The following ZFP28 variants were observed in gnomAD, a reference collection of about 807,000 sequenced individuals.
ZFP28 encodes zinc finger protein 28 homolog.
Under a neutral mutation model 39.5 loss-of-function variants are expected in ZFP28, and 31 were observed. The observed-to-expected ratio is 0.79, with a 90% CI of 0.59 to 1.06. The LOEUF is 1.06. Among genes scored for constraint, ZFP28 ranks in the 50% least tolerant of loss-of-function variants. The pLI is 0.00. For synonymous variants in ZFP28, 400 were observed against 378.6 expected (o/e 1.06, Z -0.66); for missense variants, 925 against 1,048.4 (o/e 0.88, Z 1.63).
chr19:56,546,325 G>C (rs1043904592), intron 2 of ZFP28: 10 of 152,214 alleles, frequency 6.6e-5, no homozygotes, highest in African/African-American at 2.4e-4. Flanking sequence ...TGGGATTAGA[G>C]TTGCAACTGA....
At position 56,539,134 on chromosome 19, in the gene ZFP28, T is replaced by G; in HGVS notation, c.116T>G (p.Leu39Trp). The G allele has an allele frequency of 6.3e-7, 1 of 1,588,912 alleles. No homozygotes were observed. The highest frequency in any genetic ancestry group is 8.5e-7 in the Non-Finnish European group (1 of 1,172,374). The change falls in exon 1 of 8, where the codon TTG (leucine) becomes TGG (tryptophan). Residue 39 changes from leucine (L) to tryptophan (W), a missense_variant. Physicochemically the swap from Leu to Trp is moderately conservative, Grantham distance 61 (BLOSUM62 -2). Coordinates refer to ENST00000301318, the MANE Select transcript of ZFP28 (RefSeq NM_020828.2). ...CCGACTGTAGGGACTCCAGCCACCTTGGCCCTCCCTGCCCGGGGAAGGCCG... is the reference window on the plus strand; with the variant it reads ...CCGACTGTAGGGACTCCAGCCACCTGGGCCCTCCCTGCCCGGGGAAGGCCG... ...RGPTVGTPATLALPARGRPRS... is the reference protein window; with the variant it reads ...RGPTVGTPATWALPARGRPRS...
chr19:56,555,409 CTGTT>C lies in ZFP28; in HGVS notation c.*20_*23del. 5 of 1,582,370 alleles carry C rather than the reference CTGTT, an allele frequency of 3.2e-6. No individual in the cohort carries two copies. Among genetic ancestry groups the C allele is most frequent in the Non-Finnish European group, 4.3e-6 (5 of 1,165,610 alleles). The stretch of plus-strand genomic sequence containing the variant: ...TCACCATAGCCTCGAGACGTCATTT[CTGTT>C]TGACTACTCCAGCAGTTTAAAACCC... On this transcript the variant is annotated 3_prime_UTR_variant, in exon 8 of 8. Coordinates refer to ENST00000301318, the MANE Select transcript of ZFP28 (RefSeq NM_020828.2).
intron 7 of ZFP28, chr19:56,551,356 A>G (rs2044300620): frequency 2.0e-6 from 2 of 986,852 alleles, no homozygotes; most frequent in Middle Eastern, 5.2e-4. Flanking sequence ...TTATCACAAC[A>G]TACACCTTAG....
chr19:56,549,267 CAG>C (rs1348152308), intron 5 of ZFP28, 146 bp downstream of exon 5: 17 of 900,010 alleles, frequency 1.9e-5, no homozygotes, highest in Non-Finnish European at 1.3e-5. Context: ...CCCCTCAGAA[CAG>C]AGAGTGCCTA....
intron 2 of ZFP28, among the ~76,000 whole-genome samples, chr19:56,542,125 A>C (rs1214867131): frequency 1.3e-5 from 2 of 151,994 alleles, no homozygotes; most frequent in African/African-American, 4.8e-5. Context: ...ATGAGAAGTC[A>C]GCCCTCAGTG....
chr19:56,542,778 C>T (rs916003927), intron 2 of ZFP28, among the ~76,000 whole-genome samples: 4 of 151,038 alleles, frequency 2.6e-5, no homozygotes, highest in Admixed American at 6.6e-5. Context: ...TGTTTTTTTG[C>T]TTTTAGAGAC....
chr19:56,549,211 AAGAGAAGTTTTC>A, intron 5 of ZFP28, 90 bp downstream of exon 5: 1 of 1,430,274 alleles, frequency 7.0e-7, no homozygotes, highest in Non-Finnish European at 9.4e-7. Context: ...CAACAACTAT[AAGAGAAGTTTTC>A]ATTTGAATAC....
chr19:56,546,103 GGTT>G (rs1182160287), intron 2 of ZFP28: 1 of 152,224 alleles, frequency 6.6e-6, no homozygotes, highest in Admixed American at 6.5e-5. Flanking sequence ...TAATCTACAA[GGTT>G]GGTATTGTTG....
intron 7 of ZFP28, chr19:56,551,871 A>T (rs1259422139): frequency 1.0e-6 from 1 of 982,760 alleles, no homozygotes; most frequent in Non-Finnish European, 1.2e-6. Flanking sequence ...ACTGCTATGT[A>T]TATAAGCATA....
At chr19:56,537,369 G>C (rs1017114629), upstream of ZFP28, among the ~76,000 whole-genome samples, 2 of 152,126 alleles carry the variant, frequency 1.3e-5, no homozygotes, top group Non-Finnish European at 2.9e-5. Flanking sequence ...TTACATGCCA[G>C]CTGTGTCTCT....
chr19:56,550,399 C>A (rs1256165493), intron 6 of ZFP28, 111 bp from the exon 7 acceptor site: 12 of 997,756 alleles, frequency 1.2e-5, no homozygotes, highest in Non-Finnish European at 1.6e-5. Context: ...TCCTACTCAC[C>A]TGTTTTTCTG....
intron 2 of ZFP28, among the ~76,000 whole-genome samples, chr19:56,543,087 T>G (rs1395537671): frequency 6.6e-6 from 1 of 152,196 alleles, no homozygotes; most frequent in Non-Finnish European, 1.5e-5. Flanking sequence ...GAAAAAAATG[T>G]ACACTTCATC....
rs2044351669 is a variant in ZFP28 at position 56,556,447 on chromosome 19, GC to G, written c.*1058del. 1 of 152,138 alleles carries G rather than the reference GC, an allele frequency of 6.6e-6. No homozygotes were observed. Among genetic ancestry groups the G allele is most frequent in the Admixed American group, 6.5e-5 (1 of 15,282 alleles). 9.4% of individuals were successfully genotyped at this position (152,138 alleles called of 1,614,324 possible). On this transcript the variant is annotated 3_prime_UTR_variant, in exon 8 of 8. Transcript: ENST00000301318. Reference sequence around the variant, plus strand: ...ATGGAGCAGAGGTTATCAAACTAAAGCCCATGGACCAAATCCTATCTGCTGC... The same window carrying G: ...ATGGAGCAGAGGTTATCAAACTAAAGCCATGGACCAAATCCTATCTGCTGC...
intron 7 of ZFP28, 88 bp from the exon 8 acceptor site, chr19:56,553,596 G>C (rs2044323604): frequency 1.0e-5 from 15 of 1,473,926 alleles, no homozygotes; most frequent in Non-Finnish European, 1.3e-5. Flanking sequence ...TCACCAATTA[G>C]TGAATTAATT....
Position 56,547,458 on chromosome 19 carries a change from T to C in ZFP28, c.301-50T>C, listed in dbSNP as rs2044251861. 1.2e-6 allele frequency: 2 copies of C among 1,611,972 alleles called. No individual in the cohort carries two copies. The highest frequency in any genetic ancestry group is 1.7e-6 in the Non-Finnish European group (2 of 1,179,580). On this transcript the variant is annotated intron_variant, in intron 2 of 7. Transcript: ENST00000301318. The surrounding 1 kb of genome is among the most constrained non-coding windows in gnomAD (Gnocchi z 4.6). ...TCTTTCTATAACAAACCCCCAGTCA[T>C]GTGGGGGCATGAGCACTGGTTGAGC...
rs2044270188 is a variant in ZFP28, at chr19:56,549,110, G to C, written c.676G>C (p.Glu226Gln). 6.2e-7 allele frequency: 1 copy of C among 1,606,580 alleles called. No homozygotes were observed. Among genetic ancestry groups the C allele is most frequent in the African/African-American group, 1.3e-5 (1 of 74,662 alleles). ...GEHWDYDALF[E>Q]TQPGLVTIKN... The stretch of plus-strand genomic sequence containing the variant: ...ACACTGGGATTATGATGCTCTGTTT[G>C]AGACACAGCCGGTAAGTCACAAGAC... The change falls in exon 5 of 8, where the codon GAG becomes CAG. Residue 226 changes from glutamate (E) to glutamine (Q), a missense_variant. By Grantham distance (29) the Glu-to-Gln change is conservative (BLOSUM62 2). This residue lies in a region of ZFP28 where 556 missense variants were observed against 542.9 expected (regional missense o/e 1.02). Transcript: ENST00000301318.
chr19:56,550,907 G>T (rs1455459394), intron 7 of ZFP28: 2 of 1,428,072 alleles, frequency 1.4e-6, no homozygotes. Context: ...GACTTCCAAA[G>T]GTTTTCTCTT....
chr19:56,550,579 GA>G lies in ZFP28; in HGVS notation c.873del (p.Glu292SerfsTer2). ...GAGAAGGAGCCCTGGATGGTGAAGC[GA>G]GAGCTGACAGGAAGCCTGTTCTCAG... ...EQEKEPWMVKRELTGSLFSGQ... is the reference protein window; with the variant it reads ...EQEKEPWMVKXELTGSLFSGQ... On this transcript the variant is annotated frameshift_variant, in exon 7 of 8. Transcript: ENST00000301318. LOFTEE classifies it low-confidence loss of function (END_TRUNC). The G allele has an allele frequency of 6.2e-7, 1 of 1,614,148 alleles. No homozygotes were observed. The highest frequency in any genetic ancestry group is 8.5e-7 in the Non-Finnish European group (1 of 1,180,036).
intron 7 of ZFP28, chr19:56,551,349 T>C: frequency 4.1e-6 from 4 of 986,982 alleles, no homozygotes; most frequent in South Asian, 4.7e-5. Context: ...CGTGACGTTA[T>C]CACAACATAC....
Sources: allele counts gnomAD v4.1 joint callset (sites outside exome capture counted in the v4.1 genomes callset), GRCh38; gene constraint gnomAD v4.1.1; regional missense constraint gnomAD v4.1.1; non-coding constraint Gnocchi (gnomAD v3.1); transcripts MANE v1.5; gene names NCBI Gene and HGNC (gene_info 2026-07-23, HGNC 2026-07-21).